The following DENND4C variants were observed in gnomAD, a reference collection of about 807,000 sequenced individuals.
DENND4C encodes DENN domain containing 4C, also known as DENN domain-containing protein 4C.
A neutral mutation model predicts 203.0 loss-of-function variants in DENND4C; 108 were observed. The observed-to-expected ratio is 0.53, with a 90% CI of 0.46 to 0.62. DENND4C has a LOEUF of 0.62. Ranked by LOEUF, DENND4C falls within the 20% of genes least tolerant of loss-of-function variation. DENND4C has a pLI of 0.00. For missense variants in DENND4C, 2,481 were observed against 2,301.2 expected, an observed-to-expected ratio of 1.08 and a Z score of -1.60; for synonymous variants, 871 against 792.4, an observed-to-expected ratio of 1.10 and a Z score of -1.67.
intron 13 of DENND4C, among the ~76,000 whole-genome samples, chr9:19,324,815 C>T (rs1843455814): frequency 6.6e-6 from 1 of 152,086 alleles, no homozygotes; most frequent in Non-Finnish European, 1.5e-5. Context: ...GAACTTCTTG[C>T]CTGAAGTGAT....
At chr9:19,283,954 T>C (rs1372652451) in intron 2 of DENND4C, among the ~76,000 whole-genome samples, 2 of 152,350 alleles carry the variant, frequency 1.3e-5, no homozygotes, top group East Asian at 3.9e-4. Flanking sequence ...TTCTTCCCTT[T>C]GTCAGATTCA....
chr9:19,326,265 G>T (rs926064800), intron 15 of DENND4C, 71 bp downstream of exon 15: 28 of 1,475,544 alleles, frequency 1.9e-5, no homozygotes, highest in Non-Finnish European at 2.4e-5. Flanking sequence ...TAGTAGATAT[G>T]TATATTAGTC....
chr9:19,234,935 G>A (rs1821536527), intron 1 of DENND4C, among the ~76,000 whole-genome samples: 1 of 151,402 alleles, frequency 6.6e-6, no homozygotes. Flanking sequence ...TTGAAATTTT[G>A]GGAAAGTCAA....
At chr9:19,309,375 T>G (rs1249043735) in intron 10 of DENND4C, among the ~76,000 whole-genome samples, 2 of 150,596 alleles carry the variant, frequency 1.3e-5, no homozygotes, top group Admixed American at 6.6e-5. Context: ...TCAGTTGAGA[T>G]CGTGTCATTG....
At chr9:19,330,067 C>G (rs1044391320) in intron 16 of DENND4C, among the ~76,000 whole-genome samples, 9 of 152,138 alleles carry the variant, frequency 5.9e-5, no homozygotes, top group African/African-American at 2.2e-4. Context: ...TAATTTCATA[C>G]AGTTCATATT....
Position 19,336,649 on chromosome 9 carries a change from G to A in DENND4C, c.2735-37G>A, listed in dbSNP as rs779568312. On this transcript the variant is annotated intron_variant, in intron 19 of 32. Transcript: ENST00000434457. Reference sequence around the variant, plus strand: ...ATGTTTAGTTTAAGAGATTATCAATGCATGAGTTATTGAACTGCTATTGTC... The same window carrying A: ...ATGTTTAGTTTAAGAGATTATCAATACATGAGTTATTGAACTGCTATTGTC... The A allele has an allele frequency of 1.9e-4, 296 of 1,536,900 alleles. 1 individual carries two copies. The Middle Eastern group carries it at 4.1e-3, about 21-fold the overall frequency.
At chr9:19,330,862 C>T (rs1165900370) in intron 16 of DENND4C, among the ~76,000 whole-genome samples, 1 of 151,704 alleles carries the variant, frequency 6.6e-6, no homozygotes, top group Non-Finnish European at 1.5e-5. Context: ...CCAGTCTGGC[C>T]AACATGGTGA....
chr9:19,289,667 A>G (rs533872388), intron 4 of DENND4C, among the ~76,000 whole-genome samples: 15 of 152,094 alleles, frequency 9.9e-5, no homozygotes, highest in South Asian at 6.2e-4. Flanking sequence ...CGTCTCTACT[A>G]AAAATACAAA....
At chr9:19,291,891 G>C (rs1373932404) in intron 5 of DENND4C, among the ~76,000 whole-genome samples, 2 of 152,126 alleles carry the variant, frequency 1.3e-5, no homozygotes, top group Non-Finnish European at 2.9e-5. Flanking sequence ...ACTAGAAAAG[G>C]ACAAGGCTAC....
rs760166280 is a variant in DENND4C, at chr9:19,373,415, T to C, written c.*1242T>C. ...TGTATGTCATTGAACATGAAATCTT[T>C]TTTCAGGCACATACATTGTTGGTAT... On this transcript the variant is annotated 3_prime_UTR_variant, in exon 33 of 33. Coordinates refer to ENST00000434457, the MANE Select transcript of DENND4C (RefSeq NM_001330640.2). 1 of 152,662 alleles carries C rather than the reference T, an allele frequency of 6.6e-6. No individual in the cohort carries two copies. The highest frequency in any genetic ancestry group is 1.5e-5 in the Non-Finnish European group (1 of 68,040). 9.5% of individuals were successfully genotyped at this position (152,662 alleles called of 1,614,324 possible). A position where few individuals can be genotyped will look rare whatever the true frequency, so the allele number is the denominator to read the frequency against.
At chr9:19,245,438 G>C (rs1169151068) in intron 1 of DENND4C, among the ~76,000 whole-genome samples, 1 of 145,178 alleles carries the variant, frequency 6.9e-6, no homozygotes, top group Non-Finnish European at 1.5e-5. Context: ...CTGCACTCCT[G>C]CCTGGGCGAC....
At chr9:19,334,570 G>A (rs920343402) in intron 17 of DENND4C, among the ~76,000 whole-genome samples, 1 of 147,304 alleles carries the variant, frequency 6.8e-6, no homozygotes, top group East Asian at 2.0e-4. Flanking sequence ...CTGTTGCCCA[G>A]GCTGGAGTGC....
At chr9:19,234,341 C>T (rs1316473921) in intron 1 of DENND4C, among the ~76,000 whole-genome samples, 2 of 152,032 alleles carry the variant, frequency 1.3e-5, no homozygotes, top group Non-Finnish European at 2.9e-5. Context: ...AGCGATTCTC[C>T]TGTCTCACCC....
At chr9:19,312,549 T>C (rs755083107) in intron 10 of DENND4C, among the ~76,000 whole-genome samples, 20 of 152,212 alleles carry the variant, frequency 1.3e-4, no homozygotes, top group Non-Finnish European at 2.2e-4. Flanking sequence ...CACAAGAAAC[T>C]AGTGATTATG....
intron 3 of DENND4C, among the ~76,000 whole-genome samples, chr9:19,287,464 A>AC (rs1369173652): frequency 6.6e-6 from 1 of 151,506 alleles, no homozygotes; most frequent in African/African-American, 2.4e-5. Context: ...TGCAGCCTTG[A>AC]CCCCCCACCA....
chr9:19,348,146 ATTTG>A (rs1410765189), intron 23 of DENND4C, among the ~76,000 whole-genome samples: 11 of 152,198 alleles, frequency 7.2e-5, no homozygotes. Context: ...AAACATAGGT[ATTTG>A]TTTAATTTTC....
In DENND4C at chr9:19,346,460, A is replaced by C; in HGVS notation, c.3691A>C (p.Arg1231=). Residue 1231 remains arginine, a synonymous_variant, in exon 23 of 33, where the codon AGA becomes CGA. Transcript: ENST00000434457. ...AGTATCCAAAGATCTGAGGAATAAG[A>C]GAAGTAGTTTATATGGTATTGCTAA... ...KTVSKDLRNK[R]SSLYGIAKVV... 1 of 1,614,174 alleles carries C rather than the reference A, an allele frequency of 6.2e-7. No individual in the cohort carries two copies. Among genetic ancestry groups the C allele is most frequent in the Non-Finnish European group, 8.5e-7 (1 of 1,180,018 alleles).
At chr9:19,303,594 G>C (rs901633698) in intron 9 of DENND4C, among the ~76,000 whole-genome samples, 9 of 152,088 alleles carry the variant, frequency 5.9e-5, no homozygotes, top group Non-Finnish European at 1.2e-4. Context: ...TTATTGTTAA[G>C]CTCTCATTAT....
intron 1 of DENND4C, among the ~76,000 whole-genome samples, chr9:19,236,189 T>A (rs117502923): frequency 0.02 from 3,009 of 152,178 alleles, 42 homozygotes; most frequent in Non-Finnish European, 0.032. Flanking sequence ...CTAGGAATAA[T>A]AATAAGAATA....
Sources: allele counts gnomAD v4.1 joint callset (sites outside exome capture counted in the v4.1 genomes callset), GRCh38; gene constraint gnomAD v4.1.1; transcripts MANE v1.5; gene names NCBI Gene and HGNC (gene_info 2026-07-23, HGNC 2026-07-21).